Variants in SEC16A observed in about 807,000 individuals in gnomAD.
SEC16A encodes protein transport protein Sec16A.
Under a neutral mutation model 221.9 loss-of-function variants are expected in SEC16A, and 110 were observed. That is an observed-to-expected ratio of 0.50 (90% CI 0.42 to 0.58). The LOEUF (loss-of-function observed/expected upper bound fraction) is 0.58, where lower values mean the gene tolerates loss of function less well. Among genes scored for constraint, SEC16A ranks in the 20% least tolerant of loss-of-function variants. SEC16A has a pLI of 0.00. For missense variants in SEC16A, 3,165 were observed against 3,097.8 expected (o/e 1.02, Z -0.52); for synonymous variants, 1,393 against 1,257.7 (o/e 1.11, Z -2.28).
intron 17 of SEC16A, among the ~76,000 whole-genome samples, chr9:136,458,235 C>T (rs1435974282): frequency 1.3e-5 from 2 of 150,738 alleles, no homozygotes; most frequent in East Asian, 3.9e-4. Context: ...TCCTAAAGTG[C>T]TGGGATTACA....
chr9:136,463,790 G>A, intron 9 of SEC16A, 50 bp from the exon 10 acceptor site: 1 of 1,603,572 alleles, frequency 6.2e-7, no homozygotes, highest in Non-Finnish European at 8.5e-7. Context: ...CAGCCACCCT[G>A]CTGGCAGGCC....
At chr9:136,449,454 T>C (rs1190567187) in intron 23 of SEC16A, among the ~76,000 whole-genome samples, 1 of 152,242 alleles carries the variant, frequency 6.6e-6, no homozygotes, top group East Asian at 1.9e-4. Context: ...TTCACCATCT[T>C]GGCCACGCTG....
chr9:136,447,104 G>T lies in SEC16A; in HGVS notation c.6697+123C>A. On this transcript the variant is annotated intron_variant, in intron 27 of 31. Transcript: ENST00000684901. The surrounding 1 kb of genome is among the most constrained non-coding windows in gnomAD (Gnocchi z 5.5). ...AAAAAAAAACCACAAACCAACCCCA[G>T]GCTCTCTGCATGCTGGCCAGGTCAT... 6.6e-7 allele frequency: 1 copy of T among 1,513,210 alleles called. No homozygotes were observed. Among genetic ancestry groups the T allele is most frequent in the Non-Finnish European group, 8.9e-7 (1 of 1,129,580 alleles). 93.7% of individuals were successfully genotyped at this position (1,513,210 alleles called of 1,614,324 possible).
chr9:136,480,813 C>A (rs545138575), intron 1 of SEC16A, among the ~76,000 whole-genome samples: 8 of 152,160 alleles, frequency 5.3e-5, no homozygotes, highest in Non-Finnish European at 8.8e-5. Context: ...TGGCGTAAAC[C>A]TGGGAGGCGG....
upstream of SEC16A, chr9:136,483,446 GC>G: frequency 9.1e-6 from 1 of 109,826 alleles, no homozygotes; most frequent in Non-Finnish European, 1.1e-5. Context: ...CTTTGGCCCC[GC>G]CCCTCGGCCG....
At chr9:136,483,169 T>C (rs1470198504), upstream of SEC16A, 890 of 264,138 alleles carry the variant, frequency 3.4e-3, 4 homozygotes, top group Non-Finnish European at 4.0e-3. Context: ...TCACAGCCCA[T>C]CCCTCGGCCC....
In SEC16A at chr9:136,478,704, C is replaced by A. The variant is rs961924541; in HGVS notation, c.-70+5G>T. ...AGAAAGTTAGCCAGACATGGTGGCACACACCTGTAGTCCCAGGGACTCAGG... is the reference window on the plus strand; with the variant it reads ...AGAAAGTTAGCCAGACATGGTGGCAAACACCTGTAGTCCCAGGGACTCAGG... On this transcript the variant is annotated splice_donor_5th_base_variant and intron_variant, in intron 2 of 31. Transcript: ENST00000684901. 2.0e-5 allele frequency among the ~76,000 whole-genome samples: 3 copies of A among 151,952 alleles called. No homozygotes were observed. The highest frequency in any genetic ancestry group is 7.3e-5 in the African/African-American group (3 of 41,336).
intron 29 of SEC16A, 108 bp downstream of exon 29, chr9:136,445,537 C>T: frequency 1.2e-6 from 1 of 807,280 alleles, no homozygotes; most frequent in Non-Finnish European, 2.0e-6. Context: ...TGTTTCTAAA[C>T]TGCCTCTTCC....
At chr9:136,445,599 TGGGGAGGCCTGGGCTGCG>T in intron 29 of SEC16A, 28 bp downstream of exon 29, 3 of 1,418,518 alleles carry the variant, frequency 2.1e-6, no homozygotes, top group Non-Finnish European at 2.9e-6. Flanking sequence ...AGTGAGCTGC[TGGGGAGGCCTGGGCTGCG>T]GGGGGCCCTG....
Position 136,459,684 on chromosome 9 carries a change from C to T in SEC16A, c.5191+73G>A. On this transcript the variant is annotated intron_variant, in intron 15 of 31. Coordinates refer to ENST00000684901, the MANE Select transcript of SEC16A (RefSeq NM_014866.2). The surrounding 1 kb of genome is among the most constrained non-coding windows in gnomAD (Gnocchi z 6.1). ...GAAGGCCGGGTTCTGGTGATTTCTG[C>T]CAACGCCACAGACAACCGGGCCTTC... 1 of 1,412,806 alleles carries T rather than the reference C, an allele frequency of 7.1e-7. No individual in the cohort carries two copies. The highest frequency in any genetic ancestry group is 1.2e-5 in the South Asian group (1 of 81,608). The allele number at this position is 1,412,806 out of a possible 1,614,324, so 87.5% of individuals were successfully genotyped here.
chr9:136,483,186 TCGCCGG>T (rs1842638307), upstream of SEC16A: 1 of 156,060 alleles, frequency 6.4e-6, no homozygotes, highest in Non-Finnish European at 8.9e-6. Flanking sequence ...GCCCCGCCCC[TCGCCGG>T]CGTCCGTCCT....
chr9:136,456,769 C>T (rs1457921319), intron 18 of SEC16A, among the ~76,000 whole-genome samples: 1 of 152,244 alleles, frequency 6.6e-6, no homozygotes, highest in Non-Finnish European at 1.5e-5. Flanking sequence ...CTCTGTTTTA[C>T]AGGCGAAGAA....
rs567380091 is a variant in SEC16A, at chr9:136,446,567, C to CT, written c.6792+287dup. On this transcript the variant is annotated intron_variant, in intron 28 of 31. Coordinates refer to ENST00000684901, the MANE Select transcript of SEC16A (RefSeq NM_014866.2). ...TTTTAAAAATTGTAAAATATACATA[C>CT]TGTAAAATTTGCCACTTTAATCATT... 3.3e-4 allele frequency among the ~76,000 whole-genome samples: 50 copies of CT among 151,658 alleles called. No homozygotes were observed. The East Asian group carries it at 6.0e-3, about 18-fold the overall frequency.
upstream of SEC16A, chr9:136,483,422 T>A: frequency 1.2e-5 from 8 of 666,660 alleles, no homozygotes; most frequent in Non-Finnish European, 1.4e-5. Context: ...CGCCTCATCC[T>A]GTCGTTCCCG....
upstream of SEC16A, chr9:136,483,533 C>T (rs2133252624): frequency 1.0e-6 from 1 of 985,414 alleles, no homozygotes; most frequent in East Asian, 1.1e-4. Flanking sequence ...CCCTCGCCAC[C>T]TGCCCGGCCA....
At chr9:136,455,215 T>G (rs1429125262) in intron 20 of SEC16A, among the ~76,000 whole-genome samples, 1 of 152,158 alleles carries the variant, frequency 6.6e-6, no homozygotes, top group African/African-American at 2.4e-5. Flanking sequence ...GGGCTGGCCC[T>G]TCCACCGACG....
rs561777559 is a variant in SEC16A, at chr9:136,447,020, G to A, written c.6698-71C>T. ...CCTGGGGTCTCACTGAAGACACTCC[G>A]AGAGGAAGAGAGTTTCACACTGCAC... On this transcript the variant is annotated intron_variant, in intron 27 of 31. Transcript: ENST00000684901. The surrounding 1 kb of genome is among the most constrained non-coding windows in gnomAD (Gnocchi z 5.5). 4.4e-6 allele frequency: 7 copies of A among 1,605,866 alleles called. No individual in the cohort carries two copies. Among genetic ancestry groups the A allele is most frequent in the African/African-American group, 1.3e-5 (1 of 74,598 alleles).
At chr9:136,484,429 G>T (rs377487071), upstream of SEC16A, 578 of 1,200,436 alleles carry the variant, frequency 4.8e-4, 2 homozygotes, top group Non-Finnish European at 3.4e-4. Context: ...GAGGCTGAGC[G>T]GTTGAGGAAG....
At chr9:136,463,903 A>T (rs2132441541) in intron 9 of SEC16A, among the ~76,000 whole-genome samples, 163 bp from the exon 10 acceptor site, 1 of 152,368 alleles carries the variant, frequency 6.6e-6, no homozygotes, top group South Asian at 2.1e-4. Context: ...GTTACATGGA[A>T]CATGGCCTGT....
Sources: allele counts gnomAD v4.1 joint callset (sites outside exome capture counted in the v4.1 genomes callset), GRCh38; gene constraint gnomAD v4.1.1; non-coding constraint Gnocchi (gnomAD v3.1); transcripts MANE v1.5; gene names NCBI Gene and HGNC (gene_info 2026-07-23, HGNC 2026-07-21).